Variants in TPD52 observed in about 807,000 individuals in gnomAD.
TPD52 encodes tumor protein D52, also known as prostate and colon associated protein.
Under a neutral mutation model 31.3 loss-of-function variants are expected in TPD52, and 17 were observed. The ratio of observed to expected loss-of-function variants is 0.54; its 90% CI spans 0.37 to 0.82. The LOEUF (loss-of-function observed/expected upper bound fraction) is 0.82. TPD52 is among the 40% of genes least tolerant of loss of function. The pLI is 0.00. For synonymous variants in TPD52, 83 were observed against 89.6 expected, an observed-to-expected ratio of 0.93 and a Z score of 0.42; for missense variants, 212 against 240.1, an observed-to-expected ratio of 0.88 and a Z score of 0.77.
chr8:80,121,098 A>G (rs1218436245), intron 1 of TPD52, among the ~76,000 whole-genome samples: 1 of 151,874 alleles, frequency 6.6e-6, no homozygotes, highest in Admixed American at 6.6e-5. Context: ...AAAAAAAGGA[A>G]AAAGAAAAAA....
intron 1 of TPD52, among the ~76,000 whole-genome samples, chr8:80,076,814 G>C (rs1435032993): frequency 6.6e-6 from 1 of 152,058 alleles, no homozygotes; most frequent in African/African-American, 2.4e-5. Flanking sequence ...TGGGACCACA[G>C]ACGTGTGCCA....
intron 1 of TPD52, among the ~76,000 whole-genome samples, chr8:80,078,735 T>C (rs1814880473): frequency 6.6e-6 from 1 of 152,182 alleles, no homozygotes. Flanking sequence ...CTGTTATTCA[T>C]TTGCTTTTTA....
chr8:80,080,564 A>C (rs182124144), intron 1 of TPD52: 97 of 1,456,946 alleles, frequency 6.7e-5, no homozygotes, highest in Middle Eastern at 1.9e-4. Flanking sequence ...GAAGAAATCA[A>C]CCCCAGGAGT....
At position 80,102,293 on chromosome 8, in the gene TPD52, T is replaced by C. The variant is rs1277396998; in HGVS notation, c.20-37700A>G. 3.9e-5 allele frequency among the ~76,000 whole-genome samples: 6 copies of C among 152,218 alleles called. No homozygotes were observed. In the East Asian group the frequency reaches 1.2e-3, roughly 29 times the overall value. On this transcript the variant is annotated intron_variant, in intron 1 of 7. Transcript: ENST00000518937. ...TCACTTTCAAGCTCATTCACGTAGCTACTGAGGAGCCTTTTTCTCCTCTCG... is the reference window on the plus strand; with the variant it reads ...TCACTTTCAAGCTCATTCACGTAGCCACTGAGGAGCCTTTTTCTCCTCTCG...
intron 1 of TPD52, among the ~76,000 whole-genome samples, chr8:80,096,291 A>C (rs75757351): frequency 9.5e-5 from 14 of 146,896 alleles, no homozygotes; most frequent in Middle Eastern, 3.5e-3. Flanking sequence ...CACACACACA[A>C]ACACACACAC....
At chr8:80,137,931 C>T (rs1398358752) in intron 1 of TPD52, among the ~76,000 whole-genome samples, 1 of 151,928 alleles carries the variant, frequency 6.6e-6, no homozygotes, top group Non-Finnish European at 1.5e-5. Flanking sequence ...GAATGAGACC[C>T]CGTCTCTTTT....
chr8:80,094,430 TTATATATATATATATATATATATATATA>T (rs61266725), intron 1 of TPD52, among the ~76,000 whole-genome samples: 11,420 of 53,976 alleles, frequency 0.21, 1,067 homozygotes, highest in South Asian at 0.36. Context: ...AAAGAAAATT[TTATATATATATATATATATATATATATA>T]TATATATATA....
chr8:80,038,955 CTTACACATGTCACT>C (rs1484193930), intron 7 of TPD52, among the ~76,000 whole-genome samples: 1 of 152,196 alleles, frequency 6.6e-6, no homozygotes, highest in African/African-American at 2.4e-5. Context: ...TTTCAAAACC[CTTACACATGTCACT>C]TTATCCTTTT....
At chr8:80,146,375 A>C (rs990510091) in intron 1 of TPD52, among the ~76,000 whole-genome samples, 1 of 152,250 alleles carries the variant, frequency 6.6e-6, no homozygotes, top group Non-Finnish European at 1.5e-5. Flanking sequence ...AAAGACTTAG[A>C]AAAACTGGCT....
At chr8:80,107,458 C>T (rs1807212134) in intron 1 of TPD52, among the ~76,000 whole-genome samples, 1 of 152,182 alleles carries the variant, frequency 6.6e-6, no homozygotes, top group Non-Finnish European at 1.5e-5. Context: ...AATTAATGGC[C>T]TTGTAATTAT....
chr8:80,077,429 T>C (rs1363750062), intron 1 of TPD52, among the ~76,000 whole-genome samples: 1 of 152,162 alleles, frequency 6.6e-6, no homozygotes, highest in Non-Finnish European at 1.5e-5. Context: ...AGCCCAAAGA[T>C]GGAATAGAAT....
chr8:80,154,971 T>C (rs1810852095), intron 1 of TPD52, among the ~76,000 whole-genome samples: 1 of 151,040 alleles, frequency 6.6e-6, no homozygotes, highest in African/African-American at 2.4e-5. Flanking sequence ...GTTTGGTTGG[T>C]TGGTTGGCTT....
At chr8:80,138,651 C>A (rs1192052540) in intron 1 of TPD52, among the ~76,000 whole-genome samples, 1 of 152,168 alleles carries the variant, frequency 6.6e-6, no homozygotes, top group Non-Finnish European at 1.5e-5. Context: ...TGTAACCAGA[C>A]TTTTGACAAC....
At chr8:80,158,515 T>A (rs1259131645) in intron 1 of TPD52, 1 of 152,194 alleles carries the variant, frequency 6.6e-6, no homozygotes, top group Non-Finnish European at 1.5e-5. Context: ...TTTCACAACA[T>A]CTACTCTACT....
At position 80,047,714 on chromosome 8, in the gene TPD52, G is replaced by A. The variant is rs567658279; in HGVS notation, c.413+2731C>T. Among the ~76,000 whole-genome samples, 73 of 152,298 alleles carry A rather than the reference G, an allele frequency of 4.8e-4. No individual in the cohort carries two copies. The South Asian group carries it at 0.01, about 21-fold the overall frequency. On this transcript the variant is annotated intron_variant, in intron 5 of 7. Coordinates refer to ENST00000518937, the MANE Select transcript of TPD52 (RefSeq NM_001025253.3). Reference sequence around the variant, plus strand: ...AAAGATATTCTTTTTCTGACACGAGGAAAGAGATCATTTCTTTTCCCATTA... The same window carrying A: ...AAAGATATTCTTTTTCTGACACGAGAAAAGAGATCATTTCTTTTCCCATTA...
intron 1 of TPD52, among the ~76,000 whole-genome samples, chr8:80,137,002 T>G (rs934773140): frequency 9.9e-5 from 15 of 152,184 alleles, no homozygotes; most frequent in Non-Finnish European, 2.2e-4. Context: ...CAAGTATGGC[T>G]CAAAGACAAA....
chr8:80,126,395 T>C (rs1808600341), intron 1 of TPD52, among the ~76,000 whole-genome samples: 1 of 151,176 alleles, frequency 6.6e-6, no homozygotes, highest in African/African-American at 2.4e-5. Flanking sequence ...TCTCTGTTCA[T>C]CCCAAATGGA....
intron 1 of TPD52, among the ~76,000 whole-genome samples, chr8:80,161,433 CAATATGAGA>C (rs1274440011): frequency 2.6e-5 from 4 of 152,066 alleles, no homozygotes; most frequent in African/African-American, 7.2e-5. Context: ...GATGTATGTG[CAATATGAGA>C]AATATTTATG....
At position 80,038,931 on chromosome 8, in the gene TPD52, T is replaced by A. The variant is rs78232205; in HGVS notation, c.505-696A>T. 5.6e-3 allele frequency among the ~76,000 whole-genome samples: 860 copies of A among 152,346 alleles called. 10 individuals carry two copies. Among genetic ancestry groups the A allele is most frequent in the African/African-American group, 0.02 (831 of 41,590 alleles). On this transcript the variant is annotated intron_variant, in intron 7 of 7. Coordinates refer to ENST00000518937, the MANE Select transcript of TPD52 (RefSeq NM_001025253.3). The stretch of plus-strand genomic sequence containing the variant: ...TTTATTTCAATATATCTGCCTTGCA[T>A]TTGTATAATACTTTTTCAAAACCCT...
Sources: allele counts gnomAD v4.1 joint callset (sites outside exome capture counted in the v4.1 genomes callset), GRCh38; gene constraint gnomAD v4.1.1; transcripts MANE v1.5; gene names NCBI Gene and HGNC (gene_info 2026-07-23, HGNC 2026-07-21).